The following FOXN3 variants were observed in gnomAD, a reference collection of about 807,000 sequenced individuals.
FOXN3 encodes forkhead box N3, also known as forkhead box protein N3.
A neutral mutation model predicts 38.4 loss-of-function variants in FOXN3; 7 were observed. The ratio of observed to expected loss-of-function variants is 0.18; its 90% CI spans 0.10 to 0.34. The LOEUF (loss-of-function observed/expected upper bound fraction) is 0.34. Among genes scored for constraint, FOXN3 ranks in the 10% least tolerant of loss-of-function variants. The probability of loss-of-function intolerance (pLI) is 1.00; values close to 1 mark genes in which losing one functional copy is unlikely to be tolerated. For synonymous variants in FOXN3, 230 were observed against 242.2 expected (o/e 0.95, Z 0.47); for missense variants, 456 against 613.4 (o/e 0.74, Z 2.71).
intron 1 of FOXN3, among the ~76,000 whole-genome samples, chr14:89,602,222 G>A (rs557391818): frequency 6.6e-6 from 1 of 151,726 alleles, no homozygotes; most frequent in African/African-American, 2.4e-5. Context: ...TTGAGAGGTA[G>A]AGGTTGCGGT....
intron 1 of FOXN3, among the ~76,000 whole-genome samples, chr14:89,555,367 G>C (rs960544084): frequency 1.3e-5 from 2 of 152,186 alleles, no homozygotes; most frequent in Non-Finnish European, 2.9e-5. Context: ...GACAGGAGGA[G>C]GCTCTGCTTC....
chr14:89,264,178 T>C (rs1469524648), intron 4 of FOXN3: 1 of 153,466 alleles, frequency 6.5e-6, no homozygotes, highest in Non-Finnish European at 1.4e-5. Context: ...GCACTCTGTA[T>C]TAGTCCATTT....
At chr14:89,358,976 T>C (rs745929084) in intron 2 of FOXN3, among the ~76,000 whole-genome samples, 9 of 152,318 alleles carry the variant, frequency 5.9e-5, no homozygotes, top group Admixed American at 2.0e-4. Context: ...AAGGAGATAA[T>C]ATTGTGCTTG....
intron 1 of FOXN3, among the ~76,000 whole-genome samples, chr14:89,556,059 A>G (rs1392762497): frequency 6.6e-6 from 1 of 152,106 alleles, no homozygotes; most frequent in East Asian, 1.9e-4. Flanking sequence ...AATTTAAGGG[A>G]TGCTAAAACT....
intron 1 of FOXN3, among the ~76,000 whole-genome samples, chr14:89,557,962 T>C (rs374965121): frequency 7.9e-5 from 12 of 152,236 alleles, no homozygotes; most frequent in Non-Finnish European, 1.6e-4. Context: ...GCCAAGATCA[T>C]GCCACTGCAC....
chr14:89,542,778 A>G (rs996917005), intron 1 of FOXN3, among the ~76,000 whole-genome samples: 3 of 152,206 alleles, frequency 2.0e-5, no homozygotes, highest in Non-Finnish European at 2.9e-5. Context: ...CGATGGGTTA[A>G]TATGCTGAGA....
intron 4 of FOXN3, among the ~76,000 whole-genome samples, chr14:89,232,487 G>A (rs1884844794): frequency 6.6e-6 from 1 of 152,114 alleles, no homozygotes; most frequent in South Asian, 2.1e-4. Context: ...TATATAACCG[G>A]GAAGGATTAT....
intron 4 of FOXN3, among the ~76,000 whole-genome samples, chr14:89,247,314 G>A (rs1308677954): frequency 6.6e-6 from 1 of 152,108 alleles, no homozygotes; most frequent in Middle Eastern, 3.2e-3. Flanking sequence ...CCAGTCAAAG[G>A]TTATTACATA....
chr14:89,242,750 G>A (rs916623329), intron 4 of FOXN3, among the ~76,000 whole-genome samples: 6 of 152,098 alleles, frequency 3.9e-5, no homozygotes, highest in Non-Finnish European at 8.8e-5. Context: ...AGCAAGAAGT[G>A]TATCCAATCT....
At chr14:89,303,095 T>C (rs1338656992) in intron 3 of FOXN3, among the ~76,000 whole-genome samples, 1 of 152,178 alleles carries the variant, frequency 6.6e-6, no homozygotes, top group Non-Finnish European at 1.5e-5. Context: ...CACTAAACAA[T>C]TGGCTCCACT....
chr14:89,452,123 T>C (rs1162980433), intron 1 of FOXN3, among the ~76,000 whole-genome samples: 8 of 152,120 alleles, frequency 5.3e-5, no homozygotes, highest in Non-Finnish European at 1.2e-4. Flanking sequence ...ACCAGGGTCA[T>C]GCCCTACAAC....
At chr14:89,470,464 A>G (rs1460326149) in intron 1 of FOXN3, among the ~76,000 whole-genome samples, 1 of 152,180 alleles carries the variant, frequency 6.6e-6, no homozygotes, top group Non-Finnish European at 1.5e-5. Context: ...CAGTTTTCTC[A>G]TCTATGAAAG....
At chr14:89,327,621 C>T (rs1274284458) in intron 3 of FOXN3, among the ~76,000 whole-genome samples, 3 of 152,198 alleles carry the variant, frequency 2.0e-5, no homozygotes, top group Non-Finnish European at 4.4e-5. Context: ...CAGGGCAAGA[C>T]ATCTGTTTAG....
At chr14:89,589,211 T>C (rs1264033520) in intron 1 of FOXN3, among the ~76,000 whole-genome samples, 1 of 152,188 alleles carries the variant, frequency 6.6e-6, no homozygotes, top group Non-Finnish European at 1.5e-5. Flanking sequence ...CAAAACACTC[T>C]TGCCCTTGTA....
intron 1 of FOXN3, among the ~76,000 whole-genome samples, chr14:89,416,411 G>A (rs1027182878): frequency 6.6e-6 from 1 of 152,152 alleles, no homozygotes; most frequent in African/African-American, 2.4e-5. Context: ...CCCAAGGAGG[G>A]TTTCAAACAG....
At chr14:89,526,260 T>TA (rs1894430741) in intron 1 of FOXN3, among the ~76,000 whole-genome samples, 1 of 152,114 alleles carries the variant, frequency 6.6e-6, no homozygotes, top group Admixed American at 6.6e-5. Context: ...TTGGAGGTTC[T>TA]AACCATGCCA....
chr14:89,588,088 C>A (rs1352176398), intron 1 of FOXN3, among the ~76,000 whole-genome samples: 1 of 152,030 alleles, frequency 6.6e-6, no homozygotes, highest in African/African-American at 2.4e-5. Flanking sequence ...AGGTTTAGCA[C>A]CATCCTCTTG....
intron 3 of FOXN3, among the ~76,000 whole-genome samples, chr14:89,323,546 C>A (rs1410980298): frequency 6.6e-6 from 1 of 151,876 alleles, no homozygotes; most frequent in Non-Finnish European, 1.5e-5. Context: ...TGGTGAAACC[C>A]CGTCTCTACT....
At chr14:89,476,003 G>A (rs565312178) in intron 1 of FOXN3, among the ~76,000 whole-genome samples, 6 of 152,268 alleles carry the variant, frequency 3.9e-5, no homozygotes, top group African/African-American at 1.2e-4. Flanking sequence ...ACTATGTATC[G>A]CTGTGAGATA....
Sources: allele counts gnomAD v4.1 joint callset (sites outside exome capture counted in the v4.1 genomes callset), GRCh38; gene constraint gnomAD v4.1.1; transcripts MANE v1.5; gene names NCBI Gene and HGNC (gene_info 2026-07-23, HGNC 2026-07-21).